Variants in ROR2 observed in about 807,000 individuals in gnomAD.
ROR2 encodes the protein tyrosine-protein kinase transmembrane receptor ROR2.
In ROR2, 33 loss-of-function variants were observed where a neutral mutation model predicts 74.9. That is an observed-to-expected ratio of 0.44 (90% confidence interval 0.33 to 0.59). The LOEUF is 0.59. ROR2 is among the 20% of genes least tolerant of loss of function. ROR2 has a pLI of 0.02. For synonymous variants in ROR2, 586 were observed against 558.7 expected (o/e 1.05, Z -0.69); for missense variants, 1,216 against 1,313.8 (o/e 0.93, Z 1.15).
chr9:91,947,076 T>TA (rs369954238), intron 1 of ROR2, among the ~76,000 whole-genome samples: 43 of 151,558 alleles, frequency 2.8e-4, no homozygotes, highest in African/African-American at 8.9e-4. Context: ...GAATAAACAA[T>TA]AAAAAAAAGG....
chr9:91,752,782 G>T (rs1260852788), intron 4 of ROR2, among the ~76,000 whole-genome samples: 2 of 152,158 alleles, frequency 1.3e-5, no homozygotes, highest in African/African-American at 4.8e-5. Context: ...TCTCATTAAT[G>T]ATATATATGC....
At chr9:91,777,668 C>G (rs1354649695) in intron 1 of ROR2, among the ~76,000 whole-genome samples, 2 of 152,126 alleles carry the variant, frequency 1.3e-5, no homozygotes, top group Non-Finnish European at 2.9e-5. Flanking sequence ...CCCCAAAAAA[C>G]CTCATTCCCA....
intron 4 of ROR2, among the ~76,000 whole-genome samples, chr9:91,748,218 T>C (rs1299569119): frequency 6.6e-6 from 1 of 151,616 alleles, no homozygotes; most frequent in African/African-American, 2.4e-5. Context: ...GAGGTTTCAG[T>C]GAGCCAAGAC....
intron 1 of ROR2, among the ~76,000 whole-genome samples, chr9:91,897,839 G>A (rs990154183): frequency 4.6e-5 from 7 of 152,290 alleles, no homozygotes; most frequent in Middle Eastern, 3.4e-3. Flanking sequence ...CCCTGAGGAC[G>A]GGTCTGCTTC....
Position 91,886,427 on chromosome 9 carries a change from C to A in ROR2, c.97+63440G>T, listed in dbSNP as rs558828128. On this transcript the variant is annotated intron_variant, in intron 1 of 8. Transcript: ENST00000375708. Reference sequence around the variant, plus strand: ...TGTCTACACCACGGCCTCTGCACACCCACTTGCTTCCTCCCCACACCGCGA... The same window carrying A: ...TGTCTACACCACGGCCTCTGCACACACACTTGCTTCCTCCCCACACCGCGA... 3.9e-5 allele frequency among the ~76,000 whole-genome samples: 6 copies of A among 152,278 alleles called. No individual in the cohort carries two copies. In the East Asian group the frequency reaches 1.2e-3, roughly 29 times the overall value.
At chr9:91,832,367 C>CAA (rs10677451) in intron 1 of ROR2, among the ~76,000 whole-genome samples, 1,541 of 38,286 alleles carry the variant, frequency 0.04, 203 homozygotes, top group East Asian at 0.2. Context: ...GTCACAATGG[C>CAA]AAAAAAAAAA....
chr9:91,734,129 T>C (rs570087380), intron 5 of ROR2, among the ~76,000 whole-genome samples: 50 of 152,208 alleles, frequency 3.3e-4, no homozygotes, highest in Non-Finnish European at 4.7e-4. Context: ...GGTTAGAAGA[T>C]GGGGTGAGTT....
chr9:91,893,841 A>C (rs1468021466), intron 1 of ROR2, among the ~76,000 whole-genome samples: 1 of 152,182 alleles, frequency 6.6e-6, no homozygotes, highest in Admixed American at 6.5e-5. Context: ...CCAAAATAGC[A>C]TAAAATTTAC....
At chr9:91,769,050 G>A (rs951122809) in intron 2 of ROR2, among the ~76,000 whole-genome samples, 3 of 152,256 alleles carry the variant, frequency 2.0e-5, no homozygotes, top group South Asian at 2.1e-4. Flanking sequence ...TTGGGATTGC[G>A]TGGCTGTGGG....
rs187786085 is a variant in ROR2, at chr9:91,938,238, C to G, written c.97+11629G>C. On this transcript the variant is annotated intron_variant, in intron 1 of 8. Coordinates refer to ENST00000375708, the MANE Select transcript of ROR2 (RefSeq NM_004560.4). Reference sequence around the variant, plus strand: ...CTTTGGGAGGCCAAAGTGGAGGGATCTCTTGAGTCCGGGAGTTGGAGACCA... The same window carrying G: ...CTTTGGGAGGCCAAAGTGGAGGGATGTCTTGAGTCCGGGAGTTGGAGACCA... Among the ~76,000 whole-genome samples, 51 of 152,312 alleles carry G rather than the reference C, an allele frequency of 3.3e-4. 1 individual carries two copies. The highest frequency in any genetic ancestry group is 1.2e-3 in the African/African-American group (50 of 41,578).
intron 1 of ROR2, among the ~76,000 whole-genome samples, chr9:91,922,518 A>C (rs1564040784): frequency 6.6e-6 from 1 of 151,636 alleles, no homozygotes; most frequent in South Asian, 2.1e-4. Flanking sequence ...CAGTGGCATG[A>C]TCTCAGCTCA....
intron 1 of ROR2, among the ~76,000 whole-genome samples, chr9:91,921,585 C>T (rs1831263129): frequency 6.6e-6 from 1 of 152,122 alleles, no homozygotes; most frequent in Non-Finnish European, 1.5e-5. Flanking sequence ...TAAATGAAGC[C>T]GGGTGTGGTA....
intron 1 of ROR2, among the ~76,000 whole-genome samples, chr9:91,857,214 G>C (rs1587789717): frequency 6.6e-6 from 1 of 152,196 alleles, no homozygotes; most frequent in Non-Finnish European, 1.5e-5. Flanking sequence ...AACTACACAG[G>C]TCTAACCATT....
At chr9:91,808,886 C>A (rs930608461) in intron 1 of ROR2, among the ~76,000 whole-genome samples, 7 of 151,056 alleles carry the variant, frequency 4.6e-5, no homozygotes, top group African/African-American at 1.7e-4. Flanking sequence ...GCCTGTAGTC[C>A]CAGCTACTCA....
At position 91,757,250 on chromosome 9, in the gene ROR2, A is replaced by G. The variant is rs1342900577; in HGVS notation, c.463+22T>C. 3.7e-6 allele frequency: 6 copies of G among 1,613,516 alleles called. No homozygotes were observed. The Admixed American group carries it at 1.0e-4, about 27-fold the overall frequency. On this transcript the variant is annotated intron_variant, in intron 3 of 8. Coordinates refer to ENST00000375708, the MANE Select transcript of ROR2 (RefSeq NM_004560.4). Reference sequence around the variant, plus strand: ...GGAACCTTCATATCTGCTAACCCACACAATTTCACTGTCCAACTCACCCAG... The same window carrying G: ...GGAACCTTCATATCTGCTAACCCACGCAATTTCACTGTCCAACTCACCCAG...
chr9:91,820,137 G>A (rs1042502596), intron 1 of ROR2, among the ~76,000 whole-genome samples: 2 of 152,252 alleles, frequency 1.3e-5, no homozygotes, highest in East Asian at 1.9e-4. Context: ...AAAAATTAAC[G>A]TACATTTTGC....
At chr9:91,904,190 A>T (rs978585884) in intron 1 of ROR2, among the ~76,000 whole-genome samples, 19 of 151,874 alleles carry the variant, frequency 1.3e-4, no homozygotes, top group Non-Finnish European at 2.1e-4. Context: ...ACAGGCATGC[A>T]CCACCACACC....
chr9:91,725,447 G>T (rs550571103), intron 8 of ROR2, among the ~76,000 whole-genome samples: 6 of 152,302 alleles, frequency 3.9e-5, no homozygotes, highest in African/African-American at 1.2e-4. Context: ...GCCAGGCCCA[G>T]GCACCAGCTG....
chr9:91,884,359 C>G (rs1383546430), intron 1 of ROR2, among the ~76,000 whole-genome samples: 4 of 151,472 alleles, frequency 2.6e-5, no homozygotes, highest in African/African-American at 9.7e-5. Flanking sequence ...ACCCCTGTGA[C>G]AGGGAGTCTC....
Sources: gnomAD v4.1 joint callset for allele counts (sites outside exome capture counted in the v4.1 genomes callset) on GRCh38, gnomAD v4.1.1 for gene constraint, MANE v1.5 for transcripts, NCBI Gene and HGNC (gene_info 2026-07-23, HGNC 2026-07-21) for gene names.